The following RBFOX1 variants were observed in gnomAD, a reference collection of about 807,000 sequenced individuals.
RBFOX1 encodes the protein RNA binding fox-1 homolog 1.
A neutral mutation model predicts 57.7 loss-of-function variants in RBFOX1; 8 were observed. The observed-to-expected ratio is 0.14, with a 90% CI of 0.08 to 0.25. The LOEUF (loss-of-function observed/expected upper bound fraction) is 0.25, where lower values mean the gene tolerates loss of function less well. RBFOX1 is among the 10% of genes least tolerant of loss of function. The probability of loss-of-function intolerance (pLI) is 1.00; values close to 1 mark genes in which losing one functional copy is unlikely to be tolerated. For synonymous variants in RBFOX1, 326 were observed against 222.4 expected (o/e 1.47, Z -4.15); for missense variants, 611 against 548.5 (o/e 1.11, Z -1.14).
Position 5,851,070 on chromosome 16 carries a change from A to G in RBFOX1, c.319-16233A>G, listed in dbSNP as rs181924394. ...TGCACCCCCCAAACGCACTTCCCCA[A>G]TTCCCAGGCCTGCTTTATTTCTCCC... is the stretch of plus-strand genomic sequence containing the variant. On this transcript the variant is annotated intron_variant, in intron 3 of 19. Transcript: ENST00000641259. 2.0e-3 allele frequency among the ~76,000 whole-genome samples: 309 copies of G among 152,242 alleles called. 4 individuals carry two copies. The highest frequency in any genetic ancestry group is 7.0e-3 in the African/African-American group (292 of 41,558).
At chr16:6,627,310 G>T (rs1465398967) in intron 2 of RBFOX1, among the ~76,000 whole-genome samples, 1 of 152,136 alleles carries the variant, frequency 6.6e-6, no homozygotes, top group African/African-American at 2.4e-5. Flanking sequence ...CCTGTTCTAG[G>T]TATACCTTAC....
At chr16:6,758,736 T>A (rs1257989460) in intron 3 of RBFOX1, among the ~76,000 whole-genome samples, 1 of 152,206 alleles carries the variant, frequency 6.6e-6, no homozygotes, top group East Asian at 1.9e-4. Flanking sequence ...TTATATTGAT[T>A]GCCAAGGAAC....
chr16:6,867,068 T>A (rs2060070698), intron 3 of RBFOX1, among the ~76,000 whole-genome samples: 1 of 151,886 alleles, frequency 6.6e-6, no homozygotes, highest in African/African-American at 2.4e-5. Flanking sequence ...AGTTTGTATT[T>A]AAAAATTTCA....
Position 6,876,325 on chromosome 16 carries a change from A to G in RBFOX1, c.-15-175732A>G, listed in dbSNP as rs142350430. Among the ~76,000 whole-genome samples, 12 of 152,314 alleles carry G rather than the reference A, an allele frequency of 7.9e-5. No individual in the cohort carries two copies. The South Asian group carries it at 1.5e-3, about 18-fold the overall frequency. On this transcript the variant is annotated intron_variant, in intron 3 of 15. Coordinates refer to ENST00000550418, the MANE Select transcript of RBFOX1 (RefSeq NM_018723.4). Reference sequence around the variant, plus strand: ...GGTCAGCATATTCAATGGACAATGAATGACTTGTTGACTATTCCACCATCA... The same window carrying G: ...GGTCAGCATATTCAATGGACAATGAGTGACTTGTTGACTATTCCACCATCA...
intron 4 of RBFOX1, among the ~76,000 whole-genome samples, chr16:7,089,933 C>G (rs1008842317): frequency 1.3e-5 from 2 of 150,798 alleles, no homozygotes; most frequent in Non-Finnish European, 2.9e-5. Context: ...ATGGCAGAGA[C>G]TTTAAATTGG....
At chr16:5,934,673 A>G (rs2059132590) in intron 4 of RBFOX1, among the ~76,000 whole-genome samples, 1 of 152,346 alleles carries the variant, frequency 6.6e-6, no homozygotes, top group Non-Finnish European at 1.5e-5. Flanking sequence ...TGTGATTACT[A>G]CACGTTATAT....
At position 5,355,110 on chromosome 16, in the gene RBFOX1, T is replaced by C. The variant is rs529444395; in HGVS notation, c.220-112106T>C. Among the ~76,000 whole-genome samples, 5 of 152,086 alleles carry C rather than the reference T, an allele frequency of 3.3e-5. No individual in the cohort carries two copies. In the South Asian group the frequency reaches 1.0e-3, roughly 32 times the overall value. On this transcript the variant is annotated intron_variant, in intron 1 of 2. Coordinates refer to the RBFOX1 transcript ENST00000585867. ...AAAAGAGAGAGAGGGAGGGATTCAA[T>C]ACTAGGGTCGTCTTAGCTCAGAAGA...
chr16:5,994,916 C>T (rs1181243098), intron 4 of RBFOX1, among the ~76,000 whole-genome samples: 1 of 152,190 alleles, frequency 6.6e-6, no homozygotes, highest in Admixed American at 6.5e-5. Context: ...ATGAACAGAT[C>T]AACTTGCCCA....
intron 1 of RBFOX1, among the ~76,000 whole-genome samples, chr16:5,394,454 A>T (rs4786682): frequency 0.054 from 8,137 of 151,902 alleles, 287 homozygotes; most frequent in East Asian, 0.12. Flanking sequence ...TCATTATATC[A>T]TCTGGCTCTT....
At position 5,599,179 on chromosome 16, in the gene RBFOX1, G is replaced by C. The variant is rs189542092; in HGVS notation, c.536G>C (p.Arg179Thr). 85 of 705,468 alleles carry C rather than the reference G, an allele frequency of 1.2e-4. No homozygotes were observed. The East Asian group carries it at 1.4e-3, about 12-fold the overall frequency. The allele number at this position is 705,468 out of a possible 1,614,324, so 43.7% of individuals were successfully genotyped here. A position where few individuals can be genotyped will look rare whatever the true frequency, so the allele number is the denominator to read the frequency against. The change falls in exon 3 of 3, where the codon AGA becomes ACA. Residue 179 changes from arginine to threonine, a missense_variant. Transcript: ENST00000585867. The stretch of plus-strand genomic sequence containing the variant: ...TCCCAGCCTCTGGTACATGGTGTGA[G>C]AGCTGTATTCTGTCCTCTAAAAAAG...
At chr16:6,143,774 T>C (rs1391283258) in intron 1 of RBFOX1, among the ~76,000 whole-genome samples, 2 of 151,956 alleles carry the variant, frequency 1.3e-5, no homozygotes, top group Non-Finnish European at 2.9e-5. Context: ...CACCTGATAC[T>C]TTTGCTTTTC....
At chr16:6,599,915 C>A (rs1038499958) in intron 2 of RBFOX1, among the ~76,000 whole-genome samples, 1 of 152,202 alleles carries the variant, frequency 6.6e-6, no homozygotes, top group African/African-American at 2.4e-5. Context: ...GTCAGTGGTA[C>A]AAAGTGTTAA....
chr16:7,420,992 T>G (rs562070540), intron 4 of RBFOX1, among the ~76,000 whole-genome samples: 10 of 151,114 alleles, frequency 6.6e-5, no homozygotes, highest in Non-Finnish European at 1.3e-4. Flanking sequence ...TGCGCTTTCC[T>G]GAGGCTGTAC....
At chr16:6,333,095 G>A (rs368030877) in intron 2 of RBFOX1, among the ~76,000 whole-genome samples, 6 of 151,700 alleles carry the variant, frequency 4.0e-5, no homozygotes, top group East Asian at 1.9e-4. Flanking sequence ...GCTGGAGTGC[G>A]GTGGCATGAT....
At chr16:6,643,271 C>G (rs978303752) in intron 2 of RBFOX1, among the ~76,000 whole-genome samples, 19 of 152,116 alleles carry the variant, frequency 1.2e-4, no homozygotes, top group African/African-American at 4.3e-4. Context: ...GTTATTTGCT[C>G]CCATCTGCTG....
chr16:7,057,566 C>T (rs114815159), intron 4 of RBFOX1, among the ~76,000 whole-genome samples: 2,688 of 152,292 alleles, frequency 0.018, 77 homozygotes, highest in African/African-American at 0.061. Context: ...GGAAAAGGAG[C>T]CTGATTGGCT....
At chr16:6,831,839 C>T (rs2092729682) in intron 3 of RBFOX1, among the ~76,000 whole-genome samples, 1 of 152,088 alleles carries the variant, frequency 6.6e-6, no homozygotes, top group South Asian at 2.1e-4. Flanking sequence ...TGATTATCTC[C>T]AGCTGTGAAT....
chr16:5,990,856 C>T (rs1482095030), intron 4 of RBFOX1, among the ~76,000 whole-genome samples: 1 of 152,114 alleles, frequency 6.6e-6, no homozygotes, highest in East Asian at 1.9e-4. Context: ...CGCCTGTAGT[C>T]CCATCTACTC....
chr16:5,408,353 CT>C (rs557982318), intron 1 of RBFOX1, among the ~76,000 whole-genome samples: 15 of 152,288 alleles, frequency 9.8e-5, no homozygotes, highest in East Asian at 3.9e-4. Context: ...CAATACATTC[CT>C]TTTTTTATTG....
Sources: gnomAD v4.1 joint callset for allele counts (sites outside exome capture counted in the v4.1 genomes callset) on GRCh38, gnomAD v4.1.1 for gene constraint, MANE v1.5 for transcripts, NCBI Gene and HGNC (gene_info 2026-07-23, HGNC 2026-07-21) for gene names.